Variants in NIN observed in about 807,000 individuals in gnomAD.
NIN encodes the protein glycogen synthase kinase 3 beta-interacting protein.
NIN carries 137 observed loss-of-function variants against 257.6 expected under a neutral mutation model. The observed-to-expected ratio is 0.53, with a 90% confidence interval of 0.46 to 0.61. The LOEUF (loss-of-function observed/expected upper bound fraction) is 0.61, where lower values mean the gene tolerates loss of function less well. Ranked by LOEUF, NIN falls within the 20% of genes least tolerant of loss-of-function variation. The probability of loss-of-function intolerance (pLI) is 0.00; values close to 1 mark genes in which losing one functional copy is unlikely to be tolerated. For synonymous variants in NIN, 918 were observed against 919.8 expected (o/e 1.00, Z 0.04); for missense variants, 2,439 against 2,501.2 (o/e 0.98, Z 0.53).
At chr14:50,739,923 T>C (rs2984269) in intron 25 of NIN, among the ~76,000 whole-genome samples, 150,401 of 152,356 alleles carry the variant, frequency 0.99, 74,270 homozygotes, top group Middle Eastern at 1. Flanking sequence ...AAAGCTTTCA[T>C]AGGCTAAACT....
At chr14:50,811,855 G>T (rs1301193142) in intron 3 of NIN, among the ~76,000 whole-genome samples, 2 of 152,008 alleles carry the variant, frequency 1.3e-5, no homozygotes, top group Non-Finnish European at 2.9e-5. Flanking sequence ...TTAGCCAGGC[G>T]TGGTGGCGGG....
rs71118902 is a variant in NIN, at chr14:50,800,007, T to TACACACACACAC, written c.265+6718_265+6729dup. 4.2e-3 allele frequency among the ~76,000 whole-genome samples: 621 copies of TACACACACACAC among 148,164 alleles called. 5 individuals carry two copies. Among genetic ancestry groups the TACACACACACAC allele is most frequent in the East Asian group, 0.019 (94 of 5,022 alleles). Reference sequence around the variant, plus strand: ...AAAAAACAAACAATATATATACACATACACACACACACACACACACACACA... The same window carrying TACACACACACAC: ...AAAAAACAAACAATATATATACACATACACACACACACACACACACACACACACACACACACA... On this transcript the variant is annotated intron_variant, in intron 4 of 30. Coordinates refer to ENST00000530997, the MANE Select transcript of NIN (RefSeq NM_020921.4).
chr14:50,757,513 A>C lies in NIN; in HGVS notation c.3517T>G (p.Ser1173Ala). The C allele has an allele frequency of 6.2e-7, 1 of 1,613,020 alleles. No homozygotes were observed. The highest frequency in any genetic ancestry group is 8.5e-7 in the Non-Finnish European group (1 of 1,179,748). The change falls in exon 18 of 31, where the codon TCT (serine) becomes GCT (alanine). Residue 1173 changes from serine (S) to alanine (A), a missense_variant. Ser to Ala is a moderately conservative substitution (Grantham distance 99). Coordinates refer to ENST00000530997, the MANE Select transcript of NIN (RefSeq NM_020921.4). ...GAAAAACCCTCTACTGAAGCTTCAG[A>C]CTCCTCTATTTTGACTTCCTGTCTC... is the stretch of plus-strand genomic sequence containing the variant. ...VQRQEVKIEE[S>A]EASVEGFSEL...
chr14:50,735,483 T>C (rs1276356876), intron 28 of NIN, 33 bp downstream of exon 28: 3 of 1,607,778 alleles, frequency 1.9e-6, no homozygotes, highest in Non-Finnish European at 2.5e-6. Flanking sequence ...TAACATATTC[T>C]TCATAGCTAA....
intron 7 of NIN, among the ~76,000 whole-genome samples, chr14:50,774,240 C>T (rs1447972639): frequency 2.6e-5 from 4 of 152,228 alleles, no homozygotes; most frequent in African/African-American, 4.8e-5. Flanking sequence ...CTCTGCAACA[C>T]ATTCTCAAGC....
Position 50,721,050 on chromosome 14 carries a change from G to A in NIN, c.*2413C>T, listed in dbSNP as rs1260755428. 5.2e-6 allele frequency: 1 copy of A among 193,300 alleles called. No homozygotes were observed. The highest frequency in any genetic ancestry group is 1.9e-4 in the South Asian group (1 of 5,198). 12.0% of individuals were successfully genotyped at this position (193,300 alleles called of 1,614,324 possible). On this transcript the variant is annotated 3_prime_UTR_variant, in exon 31 of 31. Transcript: ENST00000530997. ...AATGTCTTTAAAAGGTCTTTTAAAA[G>A]CTATAAGTTCTATTATAAATTGCCA...
rs151083357 is a variant in NIN, at chr14:50,761,906, C to T, written c.1780G>A (p.Gly594Ser). 2.3e-4 allele frequency: 364 copies of T among 1,613,882 alleles called. No individual in the cohort carries two copies. The highest frequency in any genetic ancestry group is 3.0e-4 in the Non-Finnish European group (349 of 1,179,964). The change falls in exon 16 of 31, where the codon GGT becomes AGT. Residue 594 changes from glycine to serine, a missense_variant. By Grantham distance (56) the Gly-to-Ser change is moderately conservative. Coordinates refer to ENST00000530997, the MANE Select transcript of NIN (RefSeq NM_020921.4). ...SGGIEPEHGL[G>S]SEECNPLNMS... ...TTCAATGGATTGCATTCTTCAGAACCGAGCCCTGAAAACACATGGGACTCA... is the reference window on the plus strand; with the variant it reads ...TTCAATGGATTGCATTCTTCAGAACTGAGCCCTGAAAACACATGGGACTCA...
chr14:50,724,763 T>G (rs1194233174), intron 30 of NIN, among the ~76,000 whole-genome samples: 2 of 151,764 alleles, frequency 1.3e-5, no homozygotes, highest in Non-Finnish European at 2.9e-5. Flanking sequence ...CTCCATGATG[T>G]TCCCACAGCC....
At chr14:50,812,850 A>G (rs974687546) in intron 3 of NIN, among the ~76,000 whole-genome samples, 3 of 152,224 alleles carry the variant, frequency 2.0e-5, no homozygotes, top group African/African-American at 2.4e-5. Context: ...AGAGCCCAAT[A>G]ACGTCTACTT....
chr14:50,809,238 AG>A (rs2044471895), intron 3 of NIN, among the ~76,000 whole-genome samples: 1 of 152,168 alleles, frequency 6.6e-6, no homozygotes. Context: ...AAAGAAAAAA[AG>A]AATCAGGGTC....
At chr14:50,774,018 C>T (rs1461603958) in intron 7 of NIN, among the ~76,000 whole-genome samples, 4 of 152,224 alleles carry the variant, frequency 2.6e-5, no homozygotes, top group Non-Finnish European at 5.9e-5. Context: ...AACATGCCTC[C>T]AATGTACAAA....
Position 50,767,339 on chromosome 14 carries a change from C to T in NIN, c.1435-449G>A, listed in dbSNP as rs192929724. Among the ~76,000 whole-genome samples the T allele has an allele frequency of 3.9e-5, 6 of 152,318 alleles. No individual in the cohort carries two copies. The East Asian group carries it at 1.2e-3, about 29-fold the overall frequency. On this transcript the variant is annotated intron_variant, in intron 12 of 30. Coordinates refer to ENST00000530997, the MANE Select transcript of NIN (RefSeq NM_020921.4). ...AATTAGTTTCACCTGTTTCTTTTCA[C>T]CTTTCAATGTGGCTATTTGCAAACT...
chr14:50,727,348 T>A (rs2040459101), intron 29 of NIN: 13 of 988,072 alleles, frequency 1.3e-5, no homozygotes, highest in Admixed American at 5.5e-5. Flanking sequence ...TATATAAAAG[T>A]AGTACCTTTG....
In NIN at chr14:50,720,381, T is replaced by A. The variant is rs1268908519; in HGVS notation, c.*3082A>T. On this transcript the variant is annotated 3_prime_UTR_variant, in exon 31 of 31. Coordinates refer to ENST00000530997, the MANE Select transcript of NIN (RefSeq NM_020921.4). ...CCTTCACTCAGCAAAAGAAATCACA[T>A]AAATCACAAAATAAAAAATTCATTT... The A allele has an allele frequency of 1.9e-5, 4 of 215,030 alleles. No homozygotes were observed. Among genetic ancestry groups the A allele is most frequent in the Non-Finnish European group, 3.7e-5 (4 of 106,714 alleles). 13.3% of individuals were successfully genotyped at this position (215,030 alleles called of 1,614,324 possible).
Position 50,738,240 on chromosome 14 carries a change from A to G in NIN, c.5675T>C (p.Leu1892Pro). 2 of 1,614,150 alleles carry G rather than the reference A, an allele frequency of 1.2e-6. No homozygotes were observed. Among genetic ancestry groups the G allele is most frequent in the Non-Finnish European group, 1.7e-6 (2 of 1,179,990 alleles). ...GGGATTCATGGTACCTGATGGGTTT[A>G]GATGTTTTTGGTGCTTGGGAAGAAG... ...SNLLPKHQKH[L>P]NPSGTMNPTE... Residue 1892 changes from leucine to proline, a missense_variant, in exon 27 of 31, where the codon CTA becomes CCA. Coordinates refer to ENST00000530997, the MANE Select transcript of NIN (RefSeq NM_020921.4).
At chr14:50,744,855 A>C (rs2041462819) in intron 22 of NIN, among the ~76,000 whole-genome samples, 1 of 151,980 alleles carries the variant, frequency 6.6e-6, no homozygotes, top group African/African-American at 2.4e-5. Context: ...AATCGCTTGA[A>C]CCTGGGAGGC....
intron 4 of NIN, chr14:50,806,319 G>A (rs1177191781): frequency 6.5e-6 from 1 of 153,646 alleles, no homozygotes; most frequent in African/African-American, 2.4e-5. Context: ...ATGTGATAAT[G>A]TCTACAGCAG....
intron 3 of NIN, among the ~76,000 whole-genome samples, chr14:50,811,491 T>C (rs1235747010): frequency 6.7e-6 from 1 of 149,332 alleles, no homozygotes; most frequent in Non-Finnish European, 1.5e-5. Flanking sequence ...TAGTTGTATT[T>C]AATACACTCT....
rs766466906 is a variant in NIN at position 50,770,479 on chromosome 14, G to T, written c.1343C>A (p.Ala448Glu). 6.2e-7 allele frequency: 1 copy of T among 1,614,202 alleles called. No homozygotes were observed. The highest frequency in any genetic ancestry group is 8.5e-7 in the Non-Finnish European group (1 of 1,180,014). Reference protein sequence around the residue: ...RKEREQILQQAGKQRLELEQE... With the variant: ...RKEREQILQQEGKQRLELEQE... ...TTCAAGTTCTAAACGCTGCTTGCCT[G>T]CCTGCTGCAGGATCTGCTCTCTCTC... Residue 448 changes from alanine (A) to glutamate (E), a missense_variant, in exon 12 of 31, where the codon GCA becomes GAA. Physicochemically the swap from Ala to Glu is moderately radical, Grantham distance 107 (BLOSUM62 -1). Transcript: ENST00000530997.
Sources: gnomAD v4.1 joint callset for allele counts (sites outside exome capture counted in the v4.1 genomes callset) on GRCh38, gnomAD v4.1.1 for gene constraint, MANE v1.5 for transcripts, NCBI Gene and HGNC (gene_info 2026-07-23, HGNC 2026-07-21) for gene names.